KCNQ1: variants seen among roughly 807,000 people sequenced by gnomAD.
The protein encoded by KCNQ1 is potassium voltage-gated channel subfamily KQT member 1.
Under a neutral mutation model 72.4 loss-of-function variants are expected in KCNQ1, and 49 were observed. The observed-to-expected ratio is 0.68, with a 90% CI of 0.54 to 0.86. The LOEUF is 0.86. Ranked by LOEUF, KCNQ1 falls within the 40% of genes least tolerant of loss-of-function variation. The probability of loss-of-function intolerance (pLI) is 0.00; values close to 1 mark genes in which losing one functional copy is unlikely to be tolerated. For synonymous variants in KCNQ1, 450 were observed against 412.6 expected (o/e 1.09, Z -1.10); for missense variants, 790 against 945.1 (o/e 0.84, Z 2.15).
chr11:2,623,285 G>A lies in KCNQ1; in HGVS notation c.1393+34431G>A. 2.5e-6 allele frequency: 1 copy of A among 398,756 alleles called. No individual in the cohort carries two copies. Among genetic ancestry groups the A allele is most frequent in the African/African-American group, 2.1e-5 (1 of 48,740 alleles). The allele number at this position is 398,756 out of a possible 1,614,324, so 24.7% of individuals were successfully genotyped here. On this transcript the variant is annotated intron_variant, in intron 10 of 15. Coordinates refer to ENST00000155840, the MANE Select transcript of KCNQ1 (RefSeq NM_000218.3). This position sits in a 1 kb window ranked among gnomAD's most constrained non-coding sequence, Gnocchi z 5.2. ...AACCTCTTTTCTCACAAATTACCCA[G>A]TCTCAGGTAGTTCTTTATAGCACTG...
Position 2,724,819 on chromosome 11 carries a change from C to A in KCNQ1, c.1515-44025C>A, listed in dbSNP as rs1210255385. On this transcript the variant is annotated intron_variant, in intron 11 of 15. Transcript: ENST00000155840. This position sits in a 1 kb window ranked among gnomAD's most constrained non-coding sequence, Gnocchi z 6.8. ...TCACTGGGCTGAAGCTTCTGGCCATCGTATGGAGCTGGAACAAGGCACTGG... is the reference window on the plus strand; with the variant it reads ...TCACTGGGCTGAAGCTTCTGGCCATAGTATGGAGCTGGAACAAGGCACTGG... 6.6e-6 allele frequency among the ~76,000 whole-genome samples: 1 copy of A among 152,124 alleles called. No individual in the cohort carries two copies. The highest frequency in any genetic ancestry group is 1.5e-5 in the Non-Finnish European group (1 of 68,018).
In KCNQ1 at chr11:2,601,973, C is replaced by T. The variant is rs1038591907; in HGVS notation, c.1393+13119C>T. Among the ~76,000 whole-genome samples the T allele has an allele frequency of 5.9e-5, 9 of 152,108 alleles. No individual in the cohort carries two copies. Among genetic ancestry groups the T allele is most frequent in the African/African-American group, 2.2e-4 (9 of 41,402 alleles). ...TCTGCAGATGTGTCAAATTAAGGAC[C>T]TTGAGATGGAGAGATCATCCTGGGT... On this transcript the variant is annotated intron_variant, in intron 10 of 15. Transcript: ENST00000155840. This position sits in a 1 kb window ranked among gnomAD's most constrained non-coding sequence, Gnocchi z 5.2.
intron 10 of KCNQ1, chr11:2,660,490 A>G (rs1002179542): frequency 7.5e-6 from 3 of 398,670 alleles, no homozygotes; most frequent in Non-Finnish European, 8.8e-6. Context: ...GAAGCTATCT[A>G]TGCCTCATAT....
At chr11:2,636,118 T>G (rs1300467157) in intron 10 of KCNQ1, 2 of 152,362 alleles carry the variant, frequency 1.3e-5, no homozygotes, top group East Asian at 3.9e-4. Flanking sequence ...TATACAATCA[T>G]GTCATCTGCA....
In KCNQ1 at chr11:2,642,160, C is replaced by G. The variant is rs1419965914; in HGVS notation, c.1394-19801C>G. ...TTTTTTCTATTTCCATGAAAAATGG[C>G]ATTGGTATTTTGAGAGAGACTGCAT... On this transcript the variant is annotated intron_variant, in intron 10 of 15. Coordinates refer to ENST00000155840, the MANE Select transcript of KCNQ1 (RefSeq NM_000218.3). This position sits in a 1 kb window ranked among gnomAD's most constrained non-coding sequence, Gnocchi z 4.3. 5.0e-6 allele frequency: 2 copies of G among 398,190 alleles called. No homozygotes were observed. Among genetic ancestry groups the G allele is most frequent in the Non-Finnish European group, 8.9e-6 (2 of 225,930 alleles). The allele number at this position is 398,190 out of a possible 1,614,324, so 24.7% of individuals were successfully genotyped here.
intron 11 of KCNQ1, among the ~76,000 whole-genome samples, chr11:2,700,464 C>T (rs1018063078): frequency 1.3e-5 from 2 of 152,124 alleles, no homozygotes; most frequent in Non-Finnish European, 2.9e-5. Flanking sequence ...CCAGGCCACG[C>T]CCGAGACCAG....
intron 11 of KCNQ1, chr11:2,680,866 A>T: frequency 2.5e-6 from 1 of 398,610 alleles, no homozygotes. Context: ...CAATTCCCTG[A>T]AGATTCACCC....
intron 6 of KCNQ1, among the ~76,000 whole-genome samples, chr11:2,581,630 T>G (rs1848499419): frequency 6.6e-6 from 1 of 152,136 alleles, no homozygotes; most frequent in South Asian, 2.1e-4. Context: ...GCCCTGAGAG[T>G]GTCAGGCTCG....
In KCNQ1 at chr11:2,769,210, C is replaced by T. The variant is rs1398537086; in HGVS notation, c.1590+291C>T. On this transcript the variant is annotated intron_variant, in intron 12 of 15. Transcript: ENST00000155840. The surrounding 1 kb of genome is among the most constrained non-coding windows in gnomAD (Gnocchi z 4.6). ...AGCCGTGTAGCTCACTCAGTCCTCC[C>T]GTGGGGTGGGTCGTGCAAGGCAGCA... Among the ~76,000 whole-genome samples the T allele has an allele frequency of 1.3e-5, 2 of 152,064 alleles. No individual in the cohort carries two copies. The highest frequency in any genetic ancestry group is 6.5e-5 in the Admixed American group (1 of 15,282).
At position 2,664,887 on chromosome 11, in the gene KCNQ1, G is replaced by A; in HGVS notation, c.1514+2806G>A. 2.5e-6 allele frequency: 1 copy of A among 398,630 alleles called. No homozygotes were observed. Among genetic ancestry groups the A allele is most frequent in the Non-Finnish European group, 4.4e-6 (1 of 226,074 alleles). 24.7% of individuals were successfully genotyped at this position (398,630 alleles called of 1,614,324 possible). On this transcript the variant is annotated intron_variant, in intron 11 of 15. Coordinates refer to ENST00000155840, the MANE Select transcript of KCNQ1 (RefSeq NM_000218.3). This position sits in a 1 kb window ranked among gnomAD's most constrained non-coding sequence, Gnocchi z 5.1. ...AATTCAAATTAAAAACATAAATAAA[G>A]ACACATTTTGTTTCCATCTCGAGCT...
At chr11:2,631,395 A>G in intron 10 of KCNQ1, 2 of 397,250 alleles carry the variant, frequency 5.0e-6, no homozygotes, top group Non-Finnish European at 8.9e-6. Context: ...TTTTCATTTC[A>G]TGCACTATAT....
At chr11:2,501,753 C>T (rs1847015799) in intron 1 of KCNQ1, among the ~76,000 whole-genome samples, 1 of 134,794 alleles carries the variant, frequency 7.4e-6, no homozygotes, top group Non-Finnish European at 1.6e-5. Context: ...AAAAAGGAAC[C>T]ACGGGCCAAT....
In KCNQ1 at chr11:2,784,628, CAACTT is replaced by C. The variant is rs1846880073; in HGVS notation, c.1794+6595_1794+6599del. Reference sequence around the variant, plus strand: ...TATAGATCCATTTGGGGAAAATTGACAACTTAACAAAATTGAGTATTGTAATCAAT... The same window carrying C: ...TATAGATCCATTTGGGGAAAATTGACAACAAAATTGAGTATTGTAATCAAT... On this transcript the variant is annotated intron_variant, in intron 15 of 15. Coordinates refer to ENST00000155840, the MANE Select transcript of KCNQ1 (RefSeq NM_000218.3). This position sits in a 1 kb window ranked among gnomAD's most constrained non-coding sequence, Gnocchi z 4.7. Among the ~76,000 whole-genome samples, 2 of 151,878 alleles carry C rather than the reference CAACTT, an allele frequency of 1.3e-5. No individual in the cohort carries two copies.
At chr11:2,697,812 A>G in intron 11 of KCNQ1, 1 of 398,616 alleles carries the variant, frequency 2.5e-6, no homozygotes, top group Non-Finnish European at 4.4e-6. Flanking sequence ...CATAAGGGAA[A>G]TTCTTTATAG....
chr11:2,664,913 C>T lies in KCNQ1; in HGVS notation c.1514+2832C>T. The stretch of plus-strand genomic sequence containing the variant: ...ACACATTTTGTTTCCATCTCGAGCT[C>T]TCCCCGCCCGCAGGGCCCCAGAGAG... On this transcript the variant is annotated intron_variant, in intron 11 of 15. Coordinates refer to ENST00000155840, the MANE Select transcript of KCNQ1 (RefSeq NM_000218.3). The surrounding 1 kb of genome is among the most constrained non-coding windows in gnomAD (Gnocchi z 5.1). The T allele has an allele frequency of 1.3e-5, 5 of 398,668 alleles. No individual in the cohort carries two copies. Among genetic ancestry groups the T allele is most frequent in the Non-Finnish European group, 2.2e-5 (5 of 226,086 alleles). 24.7% of individuals were successfully genotyped at this position (398,668 alleles called of 1,614,324 possible). A position where few individuals can be genotyped will look rare whatever the true frequency, so the allele number is the denominator to read the frequency against.
Position 2,570,638 on chromosome 11 carries a change from T to G in KCNQ1, c.488T>G (p.Leu163Arg). ...TGTLFWMEIV[L>R]VVFFGTEYVV... ...ACTCTGTCCCTGCAGGAGATCGTGC[T>G]GGTGGTGTTCTTCGGGACGGAGTAC... is the stretch of plus-strand genomic sequence containing the variant. The change falls in exon 3 of 16, where the codon CTG (leucine) becomes CGG (arginine). Residue 163 changes from leucine (L) to arginine (R), a missense_variant. Physicochemically the swap from Leu to Arg is moderately radical, Grantham distance 102. Around this residue, in one of 5 missense-constraint regions of KCNQ1, gnomAD observed 294 missense variants for 323.3 expected, o/e 0.91. Coordinates refer to ENST00000155840, the MANE Select transcript of KCNQ1 (RefSeq NM_000218.3). 6.2e-7 allele frequency: 1 copy of G among 1,612,742 alleles called. No homozygotes were observed. Among genetic ancestry groups the G allele is most frequent in the Non-Finnish European group, 8.5e-7 (1 of 1,179,956 alleles).
chr11:2,757,702 G>A (rs2133969932), intron 11 of KCNQ1, among the ~76,000 whole-genome samples: 1 of 152,320 alleles, frequency 6.6e-6, no homozygotes, highest in African/African-American at 2.4e-5. Context: ...TTTGATATTG[G>A]AGGAATAAGC....
intron 15 of KCNQ1, among the ~76,000 whole-genome samples, chr11:2,805,474 GC>G (rs766605435): frequency 6.6e-6 from 1 of 152,258 alleles, no homozygotes; most frequent in Non-Finnish European, 1.5e-5. Context: ...GGTCCTCACT[GC>G]ACTCATCCTG....
At chr11:2,580,231 C>T (rs1848479009) in intron 6 of KCNQ1, among the ~76,000 whole-genome samples, 1 of 151,942 alleles carries the variant, frequency 6.6e-6, no homozygotes, top group Non-Finnish European at 1.5e-5. Context: ...GCCTCTCAGC[C>T]TATCTTGGGT....
Sources: allele counts gnomAD v4.1 joint callset (sites outside exome capture counted in the v4.1 genomes callset), GRCh38; gene constraint gnomAD v4.1.1; regional missense constraint gnomAD v4.1.1; non-coding constraint Gnocchi (gnomAD v3.1); transcripts MANE v1.5; gene names NCBI Gene and HGNC (gene_info 2026-07-23, HGNC 2026-07-21).